REC114: variants seen among roughly 807,000 people sequenced by gnomAD.
The protein encoded by REC114 is meiotic recombination protein REC114.
Under a neutral mutation model 31.3 loss-of-function variants are expected in REC114, and 27 were observed. The observed-to-expected ratio is 0.86, with a 90% CI of 0.64 to 1.19. The LOEUF (loss-of-function observed/expected upper bound fraction) is 1.19, where lower values mean the gene tolerates loss of function less well. Among genes scored for constraint, REC114 ranks in the 50% most tolerant of loss-of-function variants. The pLI is 0.00. For missense variants in REC114, 344 were observed against 326.9 expected (o/e 1.05, Z -0.40); for synonymous variants, 134 against 127.7 (o/e 1.05, Z -0.33).
chr15:73,551,019 A>T lies in REC114; in HGVS notation c.415A>T (p.Lys139Ter). 1.2e-6 allele frequency: 2 copies of T among 1,613,902 alleles called. No individual in the cohort carries two copies. The highest frequency in any genetic ancestry group is 1.7e-6 in the Non-Finnish European group (2 of 1,179,852). ...GGAACACTGCTGCAGTTGTGTTCAG[A>T]AGCTGGCACAATACATAACCGTGCA... ...ALEHCCSCVQ[K>*]LAQYITVQVP... The change falls in exon 4 of 6, where the codon AAG becomes TAG. Residue 139 changes from lysine (K) to a stop codon, truncating the protein, a stop_gained. Transcript: ENST00000331090. LOFTEE classifies it high-confidence loss of function.
intron 2 of REC114, among the ~76,000 whole-genome samples, chr15:73,489,132 A>G (rs1893411312): frequency 6.6e-6 from 1 of 151,872 alleles, no homozygotes; most frequent in South Asian, 2.1e-4. Context: ...TAGGGAAGGA[A>G]AACTAAGTCT....
chr15:73,490,533 A>C (rs1893428324), intron 2 of REC114, among the ~76,000 whole-genome samples: 2 of 151,900 alleles, frequency 1.3e-5, no homozygotes, highest in South Asian at 4.2e-4. Context: ...ACATAATGAG[A>C]CCCTATCTGT....
At chr15:73,473,689 A>C in intron 1 of REC114, 143 bp from the exon 2 acceptor site, 1 of 570,122 alleles carries the variant, frequency 1.8e-6, no homozygotes, top group Non-Finnish European at 3.0e-6. Flanking sequence ...GGGAAGGGTT[A>C]CAGATTAAAT....
At chr15:73,508,062 G>A (rs1057324844) in intron 2 of REC114, among the ~76,000 whole-genome samples, 5 of 152,036 alleles carry the variant, frequency 3.3e-5, no homozygotes, top group African/African-American at 1.2e-4. Context: ...ATAATCAGTG[G>A]CTTTTGTTGG....
intron 2 of REC114, among the ~76,000 whole-genome samples, chr15:73,508,025 G>C (rs1426717080): frequency 6.6e-6 from 1 of 152,148 alleles, no homozygotes; most frequent in African/African-American, 2.4e-5. Flanking sequence ...ACAGCATCTT[G>C]TATTTGCTGT....
chr15:73,449,122 G>A (rs982969053), intron 1 of REC114, among the ~76,000 whole-genome samples: 25 of 152,030 alleles, frequency 1.6e-4, no homozygotes, highest in African/African-American at 6.0e-4. Context: ...GCCAGCAAGG[G>A]AACAAAACTG....
intron 2 of REC114, among the ~76,000 whole-genome samples, chr15:73,513,788 G>T (rs1188838123): frequency 1.3e-5 from 2 of 151,534 alleles, no homozygotes; most frequent in Admixed American, 1.3e-4. Context: ...CACTTGAGGA[G>T]GCAGTCTGCC....
In REC114 at chr15:73,551,092, C is replaced by T; in HGVS notation, c.488C>T (p.Pro163Leu). The change falls in exon 4 of 6, where the codon CCC (proline) becomes CTC (leucine). Residue 163 changes from proline to leucine, a missense_variant. By Grantham distance (98) the Pro-to-Leu change is moderately conservative. Transcript: ENST00000331090. The part of the protein sequence containing the change: ...IQELQLIPGP[P>L]RATESQGKDS... Reference sequence around the variant, plus strand: ...GAGCTTCAGCTGATTCCTGGCCCACCCAGGGCAACTGAAAGTCAAGGGAAG... The same window carrying T: ...GAGCTTCAGCTGATTCCTGGCCCACTCAGGGCAACTGAAAGTCAAGGGAAG... 6.2e-7 allele frequency: 1 copy of T among 1,613,416 alleles called. No individual in the cohort carries two copies. The highest frequency in any genetic ancestry group is 1.1e-5 in the South Asian group (1 of 91,016).
chr15:73,492,074 A>G lies in REC114; in HGVS notation c.249+18153A>G, dbSNP rs1893455041. Among the ~76,000 whole-genome samples, 3 of 152,184 alleles carry G rather than the reference A, an allele frequency of 2.0e-5. No homozygotes were observed. In the South Asian group the frequency reaches 6.2e-4, roughly 32 times the overall value. On this transcript the variant is annotated intron_variant, in intron 2 of 5. Transcript: ENST00000331090. ...TTTAGTTCTCATTTTCTGAATGACT[A>G]GTGAAGCACATTTTTTATATGCTTA...
At chr15:73,557,893 A>T (rs1470449555) in intron 5 of REC114, among the ~76,000 whole-genome samples, 1 of 152,378 alleles carries the variant, frequency 6.6e-6, no homozygotes, top group Admixed American at 6.5e-5. Context: ...GTACATATCA[A>T]ATTTAATATT....
intron 2 of REC114, among the ~76,000 whole-genome samples, chr15:73,520,405 A>G (rs1893920422): frequency 6.6e-6 from 1 of 152,066 alleles, no homozygotes; most frequent in Non-Finnish European, 1.5e-5. Context: ...TAATTTTTGC[A>G]TTTTTAGCAG....
At chr15:73,555,188 T>G (rs75507015) in intron 4 of REC114, among the ~76,000 whole-genome samples, 5,007 of 152,300 alleles carry the variant, frequency 0.033, 113 homozygotes, top group Middle Eastern at 0.1. Context: ...TGGCATCTCC[T>G]GCCTTCTGGT....
intron 1 of REC114, among the ~76,000 whole-genome samples, chr15:73,470,115 A>G (rs1465460080): frequency 1.3e-5 from 2 of 152,100 alleles, no homozygotes; most frequent in African/African-American, 4.8e-5. Flanking sequence ...TTACATTTAA[A>G]TGTACTATTA....
intron 2 of REC114, among the ~76,000 whole-genome samples, chr15:73,527,018 C>G (rs76745927): frequency 5.3e-5 from 8 of 152,030 alleles, no homozygotes; most frequent in Non-Finnish European, 7.4e-5. Flanking sequence ...CATTATGTTG[C>G]CCAGGCTAGT....
At chr15:73,470,798 A>T (rs1296301380) in intron 1 of REC114, among the ~76,000 whole-genome samples, 1 of 152,192 alleles carries the variant, frequency 6.6e-6, no homozygotes, top group Non-Finnish European at 1.5e-5. Context: ...TTTACCTGAA[A>T]ACATGATATT....
chr15:73,451,956 A>G (rs1390121239), intron 1 of REC114, among the ~76,000 whole-genome samples: 1 of 152,238 alleles, frequency 6.6e-6, no homozygotes, highest in Non-Finnish European at 1.5e-5. Flanking sequence ...AAAACTCTTA[A>G]TAAACTAGGT....
intron 2 of REC114, among the ~76,000 whole-genome samples, chr15:73,514,466 C>A (rs572490073): frequency 5.9e-5 from 9 of 152,250 alleles, no homozygotes; most frequent in Non-Finnish European, 1.3e-4. Context: ...CTTGGCTCCT[C>A]CCCCGCCACA....
At chr15:73,536,997 T>C (rs985132273) in intron 2 of REC114, among the ~76,000 whole-genome samples, 2 of 152,222 alleles carry the variant, frequency 1.3e-5, no homozygotes, top group African/African-American at 4.8e-5. Flanking sequence ...TAGTACCCAA[T>C]AGATAGTCTT....
chr15:73,451,239 C>G (rs1230703182), intron 1 of REC114, among the ~76,000 whole-genome samples: 3 of 151,936 alleles, frequency 2.0e-5, no homozygotes. Flanking sequence ...GCTAGCCAGA[C>G]TAATAAAAAA....
Sources: gnomAD v4.1 joint callset for allele counts (sites outside exome capture counted in the v4.1 genomes callset) on GRCh38, gnomAD v4.1.1 for gene constraint, MANE v1.5 for transcripts, NCBI Gene and HGNC (gene_info 2026-07-23, HGNC 2026-07-21) for gene names.